DYNC2H1: variants seen among roughly 807,000 people sequenced by gnomAD.
The protein encoded by DYNC2H1 is dynein cytoplasmic 2 heavy chain 1, also known as cytoplasmic dynein 2 heavy chain 1.
Under a neutral mutation model 570.0 loss-of-function variants are expected in DYNC2H1, and 410 were observed. The observed-to-expected ratio is 0.72, with a 90% confidence interval of 0.66 to 0.78. The LOEUF is 0.78. Among genes scored for constraint, DYNC2H1 ranks in the 30% least tolerant of loss-of-function variants. DYNC2H1 has a pLI of 0.00. For synonymous variants in DYNC2H1, 1,688 were observed against 1,677.6 expected (o/e 1.01, Z -0.15); for missense variants, 4,865 against 5,046.4 (o/e 0.96, Z 1.09).
chr11:103,225,715 T>C (rs1863775177), intron 59 of DYNC2H1, among the ~76,000 whole-genome samples: 1 of 152,100 alleles, frequency 6.6e-6, no homozygotes, highest in Non-Finnish European at 1.5e-5. Flanking sequence ...GTTTGCTTCC[T>C]CTTGCTTTGG....
rs903564057 is a variant in DYNC2H1, at chr11:103,192,140, A to G, written c.7584A>G (p.Ala2528=). 1.3e-5 allele frequency: 20 copies of G among 1,557,390 alleles called. No individual in the cohort carries two copies. The highest frequency in any genetic ancestry group is 1.7e-5 in the Non-Finnish European group (20 of 1,147,800). The change falls in exon 47 of 89, where the codon GCA becomes GCG. Residue 2528 remains alanine, a synonymous_variant. Coordinates refer to ENST00000375735, the MANE Select transcript of DYNC2H1 (RefSeq NM_001377.3). ...TAGATTATGTGTTAGAAATTGTAGCATATGAGGCACGGCGCTTATTTCGTG... is the reference window on the plus strand; with the variant it reads ...TAGATTATGTGTTAGAAATTGTAGCGTATGAGGCACGGCGCTTATTTCGTG... The part of the protein sequence containing the change: ...HPLDYVLEIV[A]YEARRLFRDK...
chr11:103,152,079 A>G, intron 20 of DYNC2H1, 57 bp from the exon 21 acceptor site: 1 of 1,410,442 alleles, frequency 7.1e-7, no homozygotes, highest in South Asian at 1.4e-5. Flanking sequence ...ATGAAATCTT[A>G]AGAGATTTGA....
intron 47 of DYNC2H1, among the ~76,000 whole-genome samples, chr11:103,197,459 A>G (rs1218236857): frequency 6.6e-6 from 1 of 151,854 alleles, no homozygotes; most frequent in Non-Finnish European, 1.5e-5. Flanking sequence ...CTATTTATTT[A>G]TTTTTTTGAG....
intron 76 of DYNC2H1, 143 bp downstream of exon 76, chr11:103,303,396 A>G (rs1174877704): frequency 4.8e-6 from 4 of 835,994 alleles, no homozygotes; most frequent in Non-Finnish European, 5.1e-6. Flanking sequence ...AGAACTGTGG[A>G]TATGTTATTT....
Position 103,282,252 on chromosome 11 carries a change from A to G in DYNC2H1, c.10812+23A>G, listed in dbSNP as rs746667838. 3.1e-6 allele frequency: 5 copies of G among 1,603,434 alleles called. No individual in the cohort carries two copies. The Admixed American group carries it at 5.1e-5, about 16-fold the overall frequency. ...GCTGTAAGTTAAAATAACAAAATCTATTTTGCTCTTAAAGAAAATATTTCT... is the reference window on the plus strand; with the variant it reads ...GCTGTAAGTTAAAATAACAAAATCTGTTTTGCTCTTAAAGAAAATATTTCT... On this transcript the variant is annotated intron_variant, in intron 72 of 88. Coordinates refer to ENST00000375735, the MANE Select transcript of DYNC2H1 (RefSeq NM_001377.3).
intron 84 of DYNC2H1, 126 bp from the exon 85 acceptor site, chr11:103,435,817 A>G (rs1944039646): frequency 5.4e-6 from 4 of 744,486 alleles, no homozygotes; most frequent in Admixed American, 2.1e-5. Flanking sequence ...AATGAGATCA[A>G]ACTTAATGAA....
intron 52 of DYNC2H1, among the ~76,000 whole-genome samples, chr11:103,206,420 A>G (rs1394744686): frequency 6.6e-6 from 1 of 152,144 alleles, no homozygotes; most frequent in Non-Finnish European, 1.5e-5. Flanking sequence ...GGTCAGGCAT[A>G]CAGAAAAAAA....
rs1864333098 is a variant in DYNC2H1, at chr11:103,239,176, T to C, written c.9819+2637T>C. Reference sequence around the variant, plus strand: ...TCTATTGAATATTTGTGTTTTATTGTTATAGACAGTTCAGTGTCAAATTGG... The same window carrying C: ...TCTATTGAATATTTGTGTTTTATTGCTATAGACAGTTCAGTGTCAAATTGG... On this transcript the variant is annotated intron_variant, in intron 63 of 88. Coordinates refer to ENST00000375735, the MANE Select transcript of DYNC2H1 (RefSeq NM_001377.3). The surrounding 1 kb of genome is among the most constrained non-coding windows in gnomAD (Gnocchi z 4.3). Among the ~76,000 whole-genome samples, 1 of 152,200 alleles carries C rather than the reference T, an allele frequency of 6.6e-6. No individual in the cohort carries two copies. The highest frequency in any genetic ancestry group is 1.5e-5 in the Non-Finnish European group (1 of 68,020).
At chr11:103,310,851 T>A (rs1258515915) in intron 78 of DYNC2H1, among the ~76,000 whole-genome samples, 1 of 151,448 alleles carries the variant, frequency 6.6e-6, no homozygotes, top group Non-Finnish European at 1.5e-5. Flanking sequence ...CCACCACACC[T>A]GGCTAATTTT....
At position 103,211,910 on chromosome 11, in the gene DYNC2H1, A is replaced by G. The variant is rs376184114; in HGVS notation, c.8661A>G (p.Lys2887=). The G allele has an allele frequency of 6.3e-5, 97 of 1,537,708 alleles. 1 individual carries two copies. The African/African-American group carries it at 1.3e-3, about 20-fold the overall frequency. The change falls in exon 54 of 89, where the codon AAA becomes AAG. Residue 2887 remains lysine, a synonymous_variant. Coordinates refer to ENST00000375735, the MANE Select transcript of DYNC2H1 (RefSeq NM_001377.3). ...HVYSAISSSK[K]KELLKRQSHL... ...ATTCTGCCATTAGTAGTAGCAAGAAAAAGGAATTATTAAAAAGACAAAGTC... is the reference window on the plus strand; with the variant it reads ...ATTCTGCCATTAGTAGTAGCAAGAAGAAGGAATTATTAAAAAGACAAAGTC...
rs1372871967 is a variant in DYNC2H1 at position 103,465,671 on chromosome 11, C to T, written c.12649-2918C>T. 6.6e-6 allele frequency among the ~76,000 whole-genome samples: 1 copy of T among 152,120 alleles called. No homozygotes were observed. The highest frequency in any genetic ancestry group is 1.5e-5 in the Non-Finnish European group (1 of 68,020). ...ATGCTGGCCTCATTCATATATATGG[C>T]AACTGGTGCTAGCTCAGTCCTTCAC... On this transcript the variant is annotated intron_variant, in intron 87 of 88. Transcript: ENST00000375735. This position sits in a 1 kb window ranked among gnomAD's most constrained non-coding sequence, Gnocchi z 4.9.
chr11:103,413,746 TATGTACTTATA>T (rs1438797928), intron 84 of DYNC2H1, among the ~76,000 whole-genome samples: 6 of 152,208 alleles, frequency 3.9e-5, no homozygotes, highest in Non-Finnish European at 7.3e-5. Flanking sequence ...CATTTTATTA[TATGTACTTATA>T]ATGTAAATCA....
At chr11:103,315,488 G>C (rs1320134753) in intron 79 of DYNC2H1, among the ~76,000 whole-genome samples, 1 of 151,960 alleles carries the variant, frequency 6.6e-6, no homozygotes, top group Non-Finnish European at 1.5e-5. Flanking sequence ...TTGAATGAGC[G>C]ATAAGCTTAG....
intron 72 of DYNC2H1, 110 bp downstream of exon 72, chr11:103,282,339 A>G: frequency 2.2e-6 from 2 of 907,472 alleles, no homozygotes; most frequent in South Asian, 1.6e-5. Context: ...TTGAAGTTAT[A>G]ATTTGATTAG....
intron 83 of DYNC2H1, among the ~76,000 whole-genome samples, chr11:103,388,288 G>A (rs1941979546): frequency 6.6e-6 from 1 of 152,088 alleles, no homozygotes; most frequent in Non-Finnish European, 1.5e-5. Context: ...GTTCACTCAT[G>A]ATTTGGCTCT....
intron 34 of DYNC2H1, among the ~76,000 whole-genome samples, chr11:103,171,497 C>T (rs924722663): frequency 3.3e-5 from 5 of 152,090 alleles, no homozygotes; most frequent in Non-Finnish European, 7.4e-5. Flanking sequence ...CTCAGGTGAT[C>T]CACCCCCCTC....
rs1295650457 is a variant in DYNC2H1, at chr11:103,205,641, G to T, written c.8454+677G>T. Among the ~76,000 whole-genome samples, 2 of 152,124 alleles carry T rather than the reference G, an allele frequency of 1.3e-5. No individual in the cohort carries two copies. Among genetic ancestry groups the T allele is most frequent in the Non-Finnish European group, 2.9e-5 (2 of 68,018 alleles). The stretch of plus-strand genomic sequence containing the variant: ...TTAAGAAGTAATTATTGGGTGCTTA[G>T]TAAGTACCACTGTTCTATATATGTT... On this transcript the variant is annotated intron_variant, in intron 52 of 88. Transcript: ENST00000375735. The surrounding 1 kb of genome is among the most constrained non-coding windows in gnomAD (Gnocchi z 4.5).
At position 103,413,008 on chromosome 11, in the gene DYNC2H1, C is replaced by G. The variant is rs533993773; in HGVS notation, c.12366+13136C>G. Among the ~76,000 whole-genome samples the G allele has an allele frequency of 2.6e-5, 4 of 152,222 alleles. No individual in the cohort carries two copies. In the South Asian group the frequency reaches 8.3e-4, roughly 32 times the overall value. ...GAAATATGAATTCTTGTACCACCCC[C>G]CACCTACCCTCCAGACTACTGAATC... On this transcript the variant is annotated intron_variant, in intron 84 of 88. Coordinates refer to ENST00000375735, the MANE Select transcript of DYNC2H1 (RefSeq NM_001377.3).
intron 84 of DYNC2H1, among the ~76,000 whole-genome samples, chr11:103,422,531 C>T (rs1327121649): frequency 6.6e-6 from 1 of 152,022 alleles, no homozygotes; most frequent in African/African-American, 2.4e-5. Flanking sequence ...AAGGTTTGTT[C>T]AACATATGCG....
Sources: gnomAD v4.1 joint callset for allele counts (sites outside exome capture counted in the v4.1 genomes callset) on GRCh38, gnomAD v4.1.1 for gene constraint, Gnocchi (gnomAD v3.1) non-coding constraint, MANE v1.5 for transcripts, NCBI Gene and HGNC (gene_info 2026-07-23, HGNC 2026-07-21) for gene names.